Variants in ACCSL observed in about 807,000 individuals in gnomAD.
ACCSL encodes 1-aminocyclopropane-1-carboxylate synthase homolog (inactive) like, also known as probable inactive 1-aminocyclopropane-1-carboxylate synthase-like protein 2.
In ACCSL, 55 loss-of-function variants were observed where a neutral mutation model predicts 61.7. The ratio of observed to expected loss-of-function variants is 0.89; its 90% confidence interval spans 0.72 to 1.12. The LOEUF (loss-of-function observed/expected upper bound fraction) is 1.12, where lower values mean the gene tolerates loss of function less well. Among genes scored for constraint, ACCSL ranks in the 50% most tolerant of loss-of-function variants. The pLI is 0.00. For synonymous variants in ACCSL, 258 were observed against 264.3 expected, an observed-to-expected ratio of 0.98 and a Z score of 0.23; for missense variants, 632 against 698.0, an observed-to-expected ratio of 0.91 and a Z score of 1.07.
chr11:43,926,352 G>A, the ACCSL span: 1 of 328,028 alleles, frequency 3.0e-6, no homozygotes, highest in Non-Finnish European at 6.0e-6. Flanking sequence ...GTCAGTTCTT[G>A]ACGTTTCCTA....
the ACCSL span, among the ~76,000 whole-genome samples, chr11:43,984,199 T>A: frequency 6.6e-6 from 1 of 152,076 alleles, no homozygotes. Context: ...CTCTGGCATG[T>A]GGTAGGTGTC....
chr11:43,958,542 A>G, the ACCSL span, among the ~76,000 whole-genome samples: 1 of 152,342 alleles, frequency 6.6e-6, no homozygotes, highest in Non-Finnish European at 1.5e-5. Flanking sequence ...CTCTGCATGA[A>G]TTACTCTTTC....
chr11:43,989,201 G>T, the ACCSL span, among the ~76,000 whole-genome samples: 1 of 152,224 alleles, frequency 6.6e-6, no homozygotes, highest in Non-Finnish European at 1.5e-5. Context: ...CTCATCAGCT[G>T]TGTGGCCTTG....
chr11:44,024,321 G>A, the ACCSL span, among the ~76,000 whole-genome samples: 1 of 152,122 alleles, frequency 6.6e-6, no homozygotes, highest in South Asian at 2.1e-4. Flanking sequence ...GCTTTCCTGG[G>A]TCTCCAGCTT....
upstream of ACCSL, among the ~76,000 whole-genome samples, chr11:44,044,181 A>G (rs1447916666): frequency 6.6e-6 from 1 of 152,198 alleles, no homozygotes; most frequent in Non-Finnish European, 1.5e-5. Flanking sequence ...TCTGGGTATT[A>G]TGTGACATGA....
At chr11:43,969,232 G>T in the ACCSL span, among the ~76,000 whole-genome samples, 1 of 151,962 alleles carries the variant, frequency 6.6e-6, no homozygotes, top group Non-Finnish European at 1.5e-5. Context: ...ATGGTGGCAG[G>T]CGCCTGTAGT....
At chr11:43,947,628 G>T in the ACCSL span, among the ~76,000 whole-genome samples, 2 of 152,274 alleles carry the variant, frequency 1.3e-5, no homozygotes, top group South Asian at 4.2e-4. Context: ...AGAAGGCAAT[G>T]GAAAGAGAAA....
chr11:43,939,344 T>G, the ACCSL span, among the ~76,000 whole-genome samples: 12 of 152,338 alleles, frequency 7.9e-5, no homozygotes, highest in East Asian at 2.3e-3. Context: ...GTTTTATACA[T>G]GGCAGTTTCC....
chr11:43,929,727 T>A, the ACCSL span, among the ~76,000 whole-genome samples: 2 of 152,146 alleles, frequency 1.3e-5, no homozygotes, highest in Non-Finnish European at 2.9e-5. Flanking sequence ...AAATTTTTTG[T>A]AGAGATGAGG....
the ACCSL span, among the ~76,000 whole-genome samples, chr11:44,003,766 G>A: frequency 2.0e-5 from 3 of 152,130 alleles, no homozygotes; most frequent in Admixed American, 2.0e-4. Flanking sequence ...ATTCCCCTCT[G>A]ACTTTTCGCA....
At chr11:43,984,924 G>C in the ACCSL span, among the ~76,000 whole-genome samples, 1 of 152,368 alleles carries the variant, frequency 6.6e-6, no homozygotes, top group African/African-American at 2.4e-5. Context: ...GAGTGGCCCT[G>C]GGCAGGGGCA....
chr11:43,936,639 T>C, the ACCSL span, among the ~76,000 whole-genome samples: 1 of 152,078 alleles, frequency 6.6e-6, no homozygotes, highest in Non-Finnish European at 1.5e-5. Flanking sequence ...ACAGAATGAG[T>C]CCATGGCGGC....
chr11:44,005,912 G>A, the ACCSL span, among the ~76,000 whole-genome samples: 1 of 152,192 alleles, frequency 6.6e-6, no homozygotes, highest in Non-Finnish European at 1.5e-5. Context: ...TTGGACCCAG[G>A]TGTAAACTCC....
chr11:44,051,576 G>C, intron 4 of ACCSL, 77 bp from the exon 5 acceptor site: 1 of 1,589,930 alleles, frequency 6.3e-7, no homozygotes, highest in Admixed American at 1.7e-5. Context: ...TTCTGCCCAG[G>C]GGGATGGAGA....
chr11:43,929,702 C>T, the ACCSL span, among the ~76,000 whole-genome samples: 2 of 152,146 alleles, frequency 1.3e-5, no homozygotes, highest in African/African-American at 4.8e-5. Context: ...CCACCATGCC[C>T]GACCGCTAAT....
chr11:44,048,654 C>A, intron 1 of ACCSL, 114 bp downstream of exon 1: 1 of 1,074,796 alleles, frequency 9.3e-7, no homozygotes, highest in Non-Finnish European at 1.3e-6. Flanking sequence ...CCTTATGAAA[C>A]GGGCACTCTT....
At chr11:44,015,822 C>T in the ACCSL span, among the ~76,000 whole-genome samples, 1 of 152,202 alleles carries the variant, frequency 6.6e-6, no homozygotes, top group Non-Finnish European at 1.5e-5. Context: ...CTTTCTGAGC[C>T]TCAGTTTTCA....
chr11:43,936,207 T>G, the ACCSL span, among the ~76,000 whole-genome samples: 3 of 152,072 alleles, frequency 2.0e-5, no homozygotes, highest in Non-Finnish European at 4.4e-5. Flanking sequence ...ACTCCACCCT[T>G]GGAGATATGA....
chr11:43,942,798 C>T, the ACCSL span: 1 of 776,778 alleles, frequency 1.3e-6, no homozygotes. Flanking sequence ...TTGGATCCCC[C>T]GCCCGGCGAG....
Sources: gnomAD v4.1 joint callset for allele counts (sites outside exome capture counted in the v4.1 genomes callset) on GRCh38, gnomAD v4.1.1 for gene constraint, MANE v1.5 for transcripts, NCBI Gene and HGNC (gene_info 2026-07-23, HGNC 2026-07-21) for gene names.